CBX5: variants seen among roughly 807,000 people sequenced by gnomAD.
CBX5 encodes the protein chromobox 5.
In CBX5, 7 loss-of-function variants were observed where a neutral mutation model predicts 20.7. The observed-to-expected ratio is 0.34, with a 90% CI of 0.19 to 0.63. The LOEUF (loss-of-function observed/expected upper bound fraction) is 0.63, where lower values mean the gene tolerates loss of function less well. Among genes scored for constraint, CBX5 ranks in the 30% least tolerant of loss-of-function variants. The pLI, the probability that CBX5 is intolerant of heterozygous loss-of-function variation, is 0.75. For missense variants in CBX5, 110 were observed against 224.1 expected (o/e 0.49, Z 3.25); for synonymous variants, 78 against 77.0 (o/e 1.01, Z -0.07).
At chr12:54,249,519 T>C (rs191886990) in intron 3 of CBX5, among the ~76,000 whole-genome samples, 2 of 151,766 alleles carry the variant, frequency 1.3e-5, no homozygotes, top group Admixed American at 1.3e-4. Flanking sequence ...CTAATTAGAA[T>C]GAAGATACAT....
chr12:54,247,686 T>C (rs1159784497), intron 3 of CBX5, among the ~76,000 whole-genome samples: 1 of 152,208 alleles, frequency 6.6e-6, no homozygotes, highest in South Asian at 2.1e-4. Context: ...CCAGGTAATT[T>C]TTTTTTTTAG....
chr12:54,277,141 T>C (rs950271325), intron 1 of CBX5: 18 of 152,178 alleles, frequency 1.2e-4, no homozygotes, highest in African/African-American at 3.9e-4. Context: ...CAAGCGATTA[T>C]CCCGTCTCAG....
rs1323011554 is a variant in CBX5, at chr12:54,232,931, T to C, written c.*8824A>G. On this transcript the variant is annotated 3_prime_UTR_variant, in exon 5 of 5. Coordinates refer to ENST00000209875, the MANE Select transcript of CBX5 (RefSeq NM_012117.3). ...CTAAAATCCAGAAAGCAAGATCACATTCCAACAGAAACAATGAATAAGAAC... is the reference window on the plus strand; with the variant it reads ...CTAAAATCCAGAAAGCAAGATCACACTCCAACAGAAACAATGAATAAGAAC... 1.3e-5 allele frequency: 2 copies of C among 152,188 alleles called. No homozygotes were observed. Among genetic ancestry groups the C allele is most frequent in the Admixed American group, 6.5e-5 (1 of 15,278 alleles). 9.4% of individuals were successfully genotyped at this position (152,188 alleles called of 1,614,324 possible). A position where few individuals can be genotyped will look rare whatever the true frequency, so the allele number is the denominator to read the frequency against.
At chr12:54,264,450 T>C (rs57714563) in intron 1 of CBX5, among the ~76,000 whole-genome samples, 164 of 152,316 alleles carry the variant, frequency 1.1e-3, no homozygotes, top group African/African-American at 3.8e-3. Flanking sequence ...CCAATTCTGG[T>C]GGCTTTTCTT....
intron 1 of CBX5, chr12:54,276,629 T>C (rs1944070821): frequency 6.6e-6 from 1 of 152,204 alleles, no homozygotes; most frequent in Admixed American, 6.5e-5. Context: ...AAAGTTGGCA[T>C]GATTTGGTGA....
intron 1 of CBX5, chr12:54,273,759 A>G (rs1277388196): frequency 2.0e-5 from 3 of 152,208 alleles, no homozygotes; most frequent in Non-Finnish European, 4.4e-5. Context: ...AGGGGCCTCA[A>G]TATCTTGATT....
chr12:54,261,655 AT>A (rs1257885981), intron 1 of CBX5, among the ~76,000 whole-genome samples: 1 of 149,714 alleles, frequency 6.7e-6, no homozygotes, highest in African/African-American at 2.5e-5. Flanking sequence ...CAAACCTCCA[AT>A]TAAAAACGGC....
Position 54,232,885 on chromosome 12 carries a change from T to G in CBX5, c.*8870A>C, listed in dbSNP as rs1565862894. On this transcript the variant is annotated 3_prime_UTR_variant, in exon 5 of 5. Coordinates refer to ENST00000209875, the MANE Select transcript of CBX5 (RefSeq NM_012117.3). ...AAGTCACACTGATTTCTCAGAGTTT[T>G]ATACTGAGTAACCTGAATTCCTAAA... 6.6e-6 allele frequency: 1 copy of G among 152,208 alleles called. No individual in the cohort carries two copies. Among genetic ancestry groups the G allele is most frequent in the African/African-American group, 2.4e-5 (1 of 41,444 alleles). 9.4% of individuals were successfully genotyped at this position (152,208 alleles called of 1,614,324 possible).
rs768714502 is a variant in CBX5, at chr12:54,257,631, C to T, written c.20G>A (p.Arg7Gln). The change falls in exon 2 of 5, where the codon CGG becomes CAG. Residue 7 changes from arginine (R) to glutamine (Q), a missense_variant. Coordinates refer to ENST00000209875, the MANE Select transcript of CBX5 (RefSeq NM_012117.3). The stretch of plus-strand genomic sequence containing the variant: ...CTCTGAAGAAGAACTGTCAGCTGTC[C>T]GCTTGGTTTTCTTTCCCATGTCGCA... MGKKTK[R>Q]TADSSSSEDE... 6.2e-6 allele frequency: 10 copies of T among 1,614,088 alleles called. No individual in the cohort carries two copies. Among genetic ancestry groups the T allele is most frequent in the South Asian group, 4.4e-5 (4 of 91,088 alleles).
At chr12:54,242,032 A>G (rs1943681135) in intron 4 of CBX5, 127 bp from the exon 5 acceptor site, 1 of 791,840 alleles carries the variant, frequency 1.3e-6, no homozygotes, top group Non-Finnish European at 2.0e-6. Flanking sequence ...CAAGGTGAAA[A>G]GGACCCTTTC....
At chr12:54,273,096 A>G (rs557601860) in intron 1 of CBX5, 2 of 152,342 alleles carry the variant, frequency 1.3e-5, no homozygotes, top group South Asian at 4.1e-4. Context: ...AGAGATTCTT[A>G]TCTTAATCCC....
intron 1 of CBX5, among the ~76,000 whole-genome samples, chr12:54,266,489 T>G (rs995642785): frequency 6.6e-6 from 1 of 152,336 alleles, no homozygotes; most frequent in Non-Finnish European, 1.5e-5. Context: ...TTTGGGAGGT[T>G]GAGGCAGGAG....
chr12:54,242,450 G>C (rs868077277), intron 4 of CBX5, among the ~76,000 whole-genome samples: 1 of 150,830 alleles, frequency 6.6e-6, no homozygotes, highest in African/African-American at 2.4e-5. Flanking sequence ...GCGTGAACCC[G>C]GGAGGCGGAG....
chr12:54,273,259 C>CA (rs1445608745), intron 1 of CBX5: 2 of 152,096 alleles, frequency 1.3e-5, no homozygotes, highest in African/African-American at 2.4e-5. Flanking sequence ...GCCTGGCAAA[C>CA]TGGTGAAATC....
At chr12:54,266,053 A>G (rs886462237) in intron 1 of CBX5, among the ~76,000 whole-genome samples, 7 of 150,256 alleles carry the variant, frequency 4.7e-5, no homozygotes, top group African/African-American at 1.7e-4. Context: ...TCTTAAAAAA[A>G]AAAAAAACCA....
intron 1 of CBX5, among the ~76,000 whole-genome samples, chr12:54,259,067 T>C (rs889026405): frequency 6.6e-6 from 1 of 152,218 alleles, no homozygotes; most frequent in South Asian, 2.1e-4. Flanking sequence ...TAAGTTTTTA[T>C]TAAAATACTC....
chr12:54,250,730 G>A (rs1214554009), intron 3 of CBX5, among the ~76,000 whole-genome samples: 6 of 128,898 alleles, frequency 4.7e-5, no homozygotes, highest in Non-Finnish European at 7.8e-5. Flanking sequence ...GCGTGAACCC[G>A]GGAGGCAGAG....
chr12:54,259,165 G>A (rs1026479969), intron 1 of CBX5: 1 of 152,118 alleles, frequency 6.6e-6, no homozygotes, highest in Admixed American at 6.6e-5. Flanking sequence ...TAAGCTTCAA[G>A]AAAATATCTT....
intron 1 of CBX5, chr12:54,271,872 ATT>A (rs1944013894): frequency 6.6e-6 from 1 of 152,234 alleles, no homozygotes; most frequent in Non-Finnish European, 1.5e-5. Flanking sequence ...AATTTTCTTT[ATT>A]ATCTGTAAGT....
Sources: gnomAD v4.1 joint callset for allele counts (sites outside exome capture counted in the v4.1 genomes callset) on GRCh38, gnomAD v4.1.1 for gene constraint, MANE v1.5 for transcripts, NCBI Gene and HGNC (gene_info 2026-07-23, HGNC 2026-07-21) for gene names.